LARGE1: variants seen among roughly 807,000 people sequenced by gnomAD.
The protein encoded by LARGE1 is LARGE xylosyl- and glucuronyltransferase 1.
A neutral mutation model predicts 87.6 loss-of-function variants in LARGE1; 43 were observed. The observed-to-expected ratio is 0.49, with a 90% CI of 0.38 to 0.63. The LOEUF (loss-of-function observed/expected upper bound fraction) is 0.63. Ranked by LOEUF, LARGE1 falls within the 30% of genes least tolerant of loss-of-function variation. The pLI is 0.00. For synonymous variants in LARGE1, 434 were observed against 394.6 expected (o/e 1.10, Z -1.18); for missense variants, 802 against 1,000.2 (o/e 0.80, Z 2.67).
chr22:33,700,552 G>A (rs902083689), intron 2 of LARGE1, among the ~76,000 whole-genome samples: 1 of 152,142 alleles, frequency 6.6e-6, no homozygotes, highest in Non-Finnish European at 1.5e-5. Context: ...GATTGATTCT[G>A]ATCCAAGAGT....
chr22:33,254,108 A>C (rs1238975789), intron 11 of LARGE1, among the ~76,000 whole-genome samples: 1 of 152,204 alleles, frequency 6.6e-6, no homozygotes, highest in Non-Finnish European at 1.5e-5. Flanking sequence ...CAATGAAAGC[A>C]GCCACTACCA....
At chr22:33,733,825 T>C (rs2083556690) in intron 2 of LARGE1, 1 of 152,234 alleles carries the variant, frequency 6.6e-6, no homozygotes, top group Non-Finnish European at 1.5e-5. Context: ...CACGGCTTGT[T>C]GAATGGCTTG....
chr22:33,226,881 C>T lies in LARGE1; in HGVS notation c.1731-60049G>A, dbSNP rs553082833. Among the ~76,000 whole-genome samples the T allele has an allele frequency of 2.6e-4, 40 of 152,160 alleles. No homozygotes were observed. In the South Asian group the frequency reaches 3.9e-3, roughly 15 times the overall value. On this transcript the variant is annotated intron_variant, in intron 11 of 11. Transcript: ENST00000608642. ...AGTAGCTGGGACTACAGGCGCCTGC[C>T]GCCGCGCCTGGCTAATTTTTTGTAT...
At chr22:33,363,519 C>G (rs1338678138) in intron 9 of LARGE1, among the ~76,000 whole-genome samples, 1 of 149,486 alleles carries the variant, frequency 6.7e-6, no homozygotes, top group Non-Finnish European at 1.5e-5. Flanking sequence ...AATTACGTAA[C>G]TCCCACTGGG....
chr22:33,324,717 C>T (rs1248929002), intron 10 of LARGE1, among the ~76,000 whole-genome samples: 1 of 152,186 alleles, frequency 6.6e-6, no homozygotes, highest in East Asian at 1.9e-4. Context: ...GCATCCTGTG[C>T]TCTGGCCTTA....
rs983960491 is a variant in LARGE1 at position 33,266,600 on chromosome 22, C to T, written c.1730+37629G>A. 1.3e-5 allele frequency among the ~76,000 whole-genome samples: 2 copies of T among 151,704 alleles called. 1 individual carries two copies. The highest frequency in any genetic ancestry group is 4.9e-5 in the African/African-American group (2 of 41,008). ...ATGGAGAATACTACATCGTGCTTCC[C>T]ATTGCTGATTAAATAAGAAAATGTA... On this transcript the variant is annotated intron_variant, in intron 11 of 11. Coordinates refer to the LARGE1 transcript ENST00000608642.
chr22:33,815,448 T>A (rs2157088), intron 1 of LARGE1, among the ~76,000 whole-genome samples: 1 of 152,326 alleles, frequency 6.6e-6, no homozygotes, highest in East Asian at 1.9e-4. Flanking sequence ...TTTCCAATTA[T>A]GTTCCTTTCC....
the LARGE1 span, among the ~76,000 whole-genome samples, chr22:33,145,213 T>C: frequency 3.9e-5 from 6 of 152,118 alleles, no homozygotes; most frequent in Non-Finnish European, 7.3e-5. Flanking sequence ...GCCCAAGGTA[T>C]ACCAGCATGA....
intron 11 of LARGE1, among the ~76,000 whole-genome samples, chr22:33,184,788 G>A (rs968085009): frequency 1.3e-5 from 2 of 152,040 alleles, no homozygotes; most frequent in Non-Finnish European, 2.9e-5. Flanking sequence ...ATATACAGAT[G>A]GCAAATTAGC....
chr22:33,757,661 G>C (rs909536466), intron 2 of LARGE1, among the ~76,000 whole-genome samples: 3 of 152,138 alleles, frequency 2.0e-5, no homozygotes, highest in African/African-American at 4.8e-5. Context: ...ATATTAAACA[G>C]AGTCAAAAAA....
the LARGE1 span, among the ~76,000 whole-genome samples, chr22:33,067,728 T>C: frequency 6.6e-6 from 1 of 152,162 alleles, no homozygotes; most frequent in Non-Finnish European, 1.5e-5. Flanking sequence ...ATGCCTGTAA[T>C]CCCAGCAGTT....
intron 1 of LARGE1, among the ~76,000 whole-genome samples, chr22:33,861,247 G>A (rs1001052473): frequency 2.0e-5 from 3 of 152,066 alleles, no homozygotes; most frequent in Non-Finnish European, 2.9e-5. Context: ...CAGCTAACTC[G>A]TTTTTCTCTT....
At chr22:33,144,177 G>C in the LARGE1 span, among the ~76,000 whole-genome samples, 1 of 151,732 alleles carries the variant, frequency 6.6e-6, no homozygotes, top group South Asian at 2.1e-4. Context: ...TTGAAATTAG[G>C]GCCTGATTTC....
At chr22:33,354,740 A>T (rs891619894) in intron 9 of LARGE1, among the ~76,000 whole-genome samples, 1 of 152,190 alleles carries the variant, frequency 6.6e-6, no homozygotes, top group Admixed American at 6.5e-5. Flanking sequence ...CCAATGATGT[A>T]CTTTTTTTCC....
intron 1 of LARGE1, among the ~76,000 whole-genome samples, chr22:33,803,968 A>C (rs1327900652): frequency 3.3e-5 from 5 of 152,240 alleles, no homozygotes. Context: ...TGCCAGCCAA[A>C]GCCAACCTCG....
Position 33,702,741 on chromosome 22 carries a change from TC to T in LARGE1, c.107-52074del, listed in dbSNP as rs1183374984. Among the ~76,000 whole-genome samples, 7 of 152,180 alleles carry T rather than the reference TC, an allele frequency of 4.6e-5. No individual in the cohort carries two copies. The East Asian group carries it at 1.4e-3, about 29-fold the overall frequency. ...ATCCATCAAATTACAGCAGCTCCTG[TC>T]CCCAAGGACTACAGAGGCAAGAAAA... On this transcript the variant is annotated intron_variant, in intron 2 of 14. Transcript: ENST00000397394.
intron 8 of LARGE1, among the ~76,000 whole-genome samples, chr22:33,383,223 G>T (rs199870255): frequency 1.3e-5 from 2 of 152,180 alleles, no homozygotes; most frequent in East Asian, 3.9e-4. Context: ...GGAGCCCTCT[G>T]CCTTTCCTAG....
intron 1 of LARGE1, among the ~76,000 whole-genome samples, chr22:33,847,096 T>C (rs2063456548): frequency 6.6e-6 from 1 of 152,200 alleles, no homozygotes; most frequent in South Asian, 2.1e-4. Flanking sequence ...CCTACCGACA[T>C]GTGATGTCTC....
chr22:33,847,105 T>G (rs1472278518), intron 1 of LARGE1, among the ~76,000 whole-genome samples: 1 of 152,182 alleles, frequency 6.6e-6, no homozygotes, highest in Non-Finnish European at 1.5e-5. Context: ...ATGTGATGTC[T>G]CCCCCGGATG....
Sources: gnomAD v4.1 joint callset for allele counts (sites outside exome capture counted in the v4.1 genomes callset) on GRCh38, gnomAD v4.1.1 for gene constraint, MANE v1.5 for transcripts, NCBI Gene and HGNC (gene_info 2026-07-23, HGNC 2026-07-21) for gene names.